ATIC: variants seen among roughly 807,000 people sequenced by gnomAD.
ATIC encodes the protein 5-aminoimidazole-4-carboxamide ribonucleotide formyltransferase/IMP cyclohydrolase, also known as bifunctional purine biosynthesis protein ATIC.
ATIC carries 64 observed loss-of-function variants against 72.5 expected under a neutral mutation model. The ratio of observed to expected loss-of-function variants is 0.88; its 90% confidence interval spans 0.72 to 1.09. The LOEUF (loss-of-function observed/expected upper bound fraction) is 1.09, where lower values mean the gene tolerates loss of function less well. ATIC is among the 50% of genes least tolerant of loss of function. ATIC has a pLI of 0.00. For missense variants in ATIC, 787 were observed against 732.4 expected (o/e 1.07, Z -0.86); for synonymous variants, 281 against 267.1 (o/e 1.05, Z -0.51).
rs371518493 is a variant in ATIC at position 215,333,397 on chromosome 2, A to G, written c.862A>G (p.Met288Val). 3.3e-5 allele frequency: 53 copies of G among 1,614,034 alleles called. No individual in the cohort carries two copies. In the South Asian group the frequency reaches 3.5e-4, roughly 11 times the overall value. The stretch of plus-strand genomic sequence containing the variant: ...CAGTGAAGATGAGGCCAAAGTCTGC[A>G]TGGTTTATGATCTCTATAAAACCCT... ...PLSEDEAKVCMVYDLYKTLTP... is the reference protein window; with the variant it reads ...PLSEDEAKVCVVYDLYKTLTP... Residue 288 changes from methionine to valine, a missense_variant, in exon 9 of 16, where the codon ATG becomes GTG. Physicochemically the swap from Met to Val is conservative, Grantham distance 21. Transcript: ENST00000236959.
intron 7 of ATIC, among the ~76,000 whole-genome samples, chr2:215,329,065 C>G (rs1228345817): frequency 6.6e-6 from 1 of 152,206 alleles, no homozygotes; most frequent in Non-Finnish European, 1.5e-5. Flanking sequence ...TTGTTTGTCG[C>G]TGAATCCCCA....
At chr2:215,351,192 C>A (rs559712570), downstream of ATIC, among the ~76,000 whole-genome samples, 92 of 152,310 alleles carry the variant, frequency 6.0e-4, no homozygotes, top group African/African-American at 2.1e-3. Flanking sequence ...AGTTGCCAGC[C>A]ACATGAGTGA....
Position 215,349,686 on chromosome 2 carries a change from A to G in ATIC, c.*31A>G. 6.2e-7 allele frequency: 1 copy of G among 1,614,114 alleles called. No homozygotes were observed. The highest frequency in any genetic ancestry group is 8.5e-7 in the Non-Finnish European group (1 of 1,180,008). Reference sequence around the variant, plus strand: ...CCACACACTGTTTTTTGGCTTGCTTATGTGTAGGTGAACAGTCACGCCTGA... The same window carrying G: ...CCACACACTGTTTTTTGGCTTGCTTGTGTGTAGGTGAACAGTCACGCCTGA... On this transcript the variant is annotated 3_prime_UTR_variant, in exon 16 of 16. Coordinates refer to ENST00000236959, the MANE Select transcript of ATIC (RefSeq NM_004044.7).
chr2:215,327,917 C>T (rs570896714), intron 7 of ATIC, among the ~76,000 whole-genome samples: 1 of 148,312 alleles, frequency 6.7e-6, no homozygotes, highest in Admixed American at 6.8e-5. Flanking sequence ...TAAATTAAGA[C>T]AACGGAGTCT....
chr2:215,352,849 TTGAC>T (rs2053141177), downstream of ATIC, among the ~76,000 whole-genome samples: 2 of 130,418 alleles, frequency 1.5e-5, no homozygotes, highest in Admixed American at 8.6e-5. Context: ...TTGCAGTCGA[TTGAC>T]TGAAGATTTT....
In ATIC at chr2:215,326,828, A is replaced by G; in HGVS notation, c.538A>G (p.Thr180Ala). ...AAACTTACGCTTTTTGTAGGCATTC[A>G]CTCATACGGCACAATATGATGAAGC... ...TRRQLALKAF[T>A]HTAQYDEAIS... Residue 180 changes from threonine to alanine, a missense_variant, in exon 7 of 16, where the codon ACT becomes GCT. Transcript: ENST00000236959. 1.2e-6 allele frequency: 2 copies of G among 1,613,934 alleles called. No individual in the cohort carries two copies. The highest frequency in any genetic ancestry group is 1.7e-6 in the Non-Finnish European group (2 of 1,179,994).
chr2:215,318,095 T>C, intron 2 of ATIC, 62 bp from the exon 3 acceptor site: 1 of 1,432,408 alleles, frequency 7.0e-7, no homozygotes, highest in South Asian at 1.1e-5. Context: ...GTAGATGCTT[T>C]GAATAGTGAA....
the ATIC span, among the ~76,000 whole-genome samples, chr2:215,358,519 A>G: frequency 1.3e-5 from 2 of 152,212 alleles, no homozygotes; most frequent in Non-Finnish European, 2.9e-5. Context: ...AAGCCATGCT[A>G]AAAGTGTCAG....
chr2:215,349,195 T>TA lies in ATIC; in HGVS notation c.1606dup (p.Ile536AsnfsTer4). On this transcript the variant is annotated frameshift_variant, in exon 15 of 16. Coordinates refer to ENST00000236959, the MANE Select transcript of ATIC (RefSeq NM_004044.7). LOFTEE classifies it high-confidence loss of function. Reference sequence around the variant, plus strand: ...GGGTTGAGAAACTGACTGAAGTTTCTATCAGCTCTGATGCCTTCTTCCCTT... The same window carrying TA: ...GGGTTGAGAAACTGACTGAAGTTTCTAATCAGCTCTGATGCCTTCTTCCCTT... The TA allele has an allele frequency of 6.2e-7, 1 of 1,614,208 alleles. No individual in the cohort carries two copies. Among genetic ancestry groups the TA allele is most frequent in the East Asian group, 2.2e-5 (1 of 44,876 alleles).
the ATIC span, chr2:215,363,494 A>C: frequency 6.6e-6 from 1 of 152,220 alleles, no homozygotes; most frequent in South Asian, 2.1e-4. Flanking sequence ...CTGGGGGTGA[A>C]ACAAGATCAT....
chr2:215,351,790 A>T (rs2053132726), downstream of ATIC, among the ~76,000 whole-genome samples: 1 of 152,246 alleles, frequency 6.6e-6, no homozygotes, highest in South Asian at 2.1e-4. Flanking sequence ...AGAGGAGAGT[A>T]TAGAAATGGG....
chr2:215,357,191 C>G, the ATIC span, among the ~76,000 whole-genome samples: 1 of 152,202 alleles, frequency 6.6e-6, no homozygotes, highest in Non-Finnish European at 1.5e-5. Context: ...GTCCAGCAGT[C>G]TCCTGGCAAA....
chr2:215,326,761 C>T, intron 6 of ATIC, 61 bp from the exon 7 acceptor site: 1 of 1,603,026 alleles, frequency 6.2e-7, no homozygotes, highest in Non-Finnish European at 8.5e-7. Flanking sequence ...ACGTAGAAAA[C>T]CATCTTGTCC....
chr2:215,339,739 A>G (rs532567287), intron 12 of ATIC, among the ~76,000 whole-genome samples: 2 of 149,296 alleles, frequency 1.3e-5, no homozygotes, highest in South Asian at 4.3e-4. Flanking sequence ...GGTTCACGCC[A>G]TTCTCCTGCT....
At chr2:215,356,011 A>G in the ATIC span, among the ~76,000 whole-genome samples, 11 of 152,246 alleles carry the variant, frequency 7.2e-5, no homozygotes, top group African/African-American at 2.4e-4. Context: ...GTGCTAGTCT[A>G]TCAGGTTCGA....
At chr2:215,341,127 G>C (rs1489179984) in intron 12 of ATIC, among the ~76,000 whole-genome samples, 1 of 152,122 alleles carries the variant, frequency 6.6e-6, no homozygotes, top group South Asian at 2.1e-4. Context: ...AGCATACGAC[G>C]ATTAACATAT....
the ATIC span, among the ~76,000 whole-genome samples, chr2:215,365,160 C>T: frequency 2.6e-5 from 4 of 152,128 alleles, no homozygotes; most frequent in Non-Finnish European, 5.9e-5. Context: ...GGTGGCACTT[C>T]CAAAAATTAG....
intron 7 of ATIC, among the ~76,000 whole-genome samples, chr2:215,330,801 C>T (rs1273321665): frequency 1.3e-5 from 2 of 151,418 alleles, no homozygotes; most frequent in African/African-American, 4.9e-5. Context: ...GCCTTGGCCT[C>T]TCAAGTAGCT....
Position 215,349,233 on chromosome 2 carries a change from T to C in ATIC, c.1643T>C (p.Val548Ala), listed in dbSNP as rs199572387. Residue 548 changes from valine to alanine, a missense_variant, in exon 15 of 16, where the codon GTA becomes GCA. Val to Ala is a moderately conservative substitution (Grantham distance 64). Coordinates refer to ENST00000236959, the MANE Select transcript of ATIC (RefSeq NM_004044.7). Reference protein sequence around the residue: ...SDAFFPFRDNVDRAKRSGVAY... With the variant: ...SDAFFPFRDNADRAKRSGVAY... ...GCCTTCTTCCCTTTCCGAGATAACG[T>C]AGACAGAGCTAAAAGGGTAAGTATG... is the stretch of plus-strand genomic sequence containing the variant. The C allele has an allele frequency of 2.1e-4, 331 of 1,614,078 alleles. 1 individual carries two copies. The highest frequency in any genetic ancestry group is 1.3e-4 in the Admixed American group (8 of 60,010).
Sources: gnomAD v4.1 joint callset for allele counts (sites outside exome capture counted in the v4.1 genomes callset) on GRCh38, gnomAD v4.1.1 for gene constraint, MANE v1.5 for transcripts, NCBI Gene and HGNC (gene_info 2026-07-23, HGNC 2026-07-21) for gene names.